The following AFG3L2 variants were observed in gnomAD, a reference collection of about 807,000 sequenced individuals.
AFG3L2 encodes the protein AFG3 like matrix AAA peptidase subunit 2, also known as mitochondrial inner membrane m-AAA protease component AFG3L2.
AFG3L2 carries 54 observed loss-of-function variants against 94.5 expected under a neutral mutation model. The ratio of observed to expected loss-of-function variants is 0.57; its 90% CI spans 0.46 to 0.72. AFG3L2 has a LOEUF of 0.72. Ranked by LOEUF, AFG3L2 falls within the 30% of genes least tolerant of loss-of-function variation. The probability of loss-of-function intolerance (pLI) is 0.00; values close to 1 mark genes in which losing one functional copy is unlikely to be tolerated. For missense variants in AFG3L2, 754 were observed against 994.9 expected, an observed-to-expected ratio of 0.76 and a Z score of 3.26; for synonymous variants, 377 against 365.5, an observed-to-expected ratio of 1.03 and a Z score of -0.36.
intron 16 of AFG3L2, among the ~76,000 whole-genome samples, chr18:12,331,853 ATATATAT>A: frequency 4.7e-5 from 7 of 148,848 alleles, no homozygotes; most frequent in African/African-American, 1.8e-4. Flanking sequence ...ATATATATAT[ATATATAT>A]AAAACAAGGG....
chr18:12,331,330 CAT>C (rs996441765), intron 16 of AFG3L2, among the ~76,000 whole-genome samples: 3 of 152,200 alleles, frequency 2.0e-5, no homozygotes, highest in South Asian at 2.1e-4. Context: ...TTAAGCAACA[CAT>C]GACTGCAGTT....
intron 7 of AFG3L2, 112 bp downstream of exon 7, chr18:12,359,815 C>G: frequency 7.1e-7 from 1 of 1,405,268 alleles, no homozygotes; most frequent in Admixed American, 1.9e-5. Context: ...TCTGGCCAAA[C>G]TGATAAAGGC....
intron 9 of AFG3L2, among the ~76,000 whole-genome samples, chr18:12,355,590 A>G (rs1598831888): frequency 1.3e-5 from 2 of 152,324 alleles, no homozygotes; most frequent in African/African-American, 4.8e-5. Context: ...TAAAAAAACC[A>G]CATATTGTAT....
At chr18:12,335,389 G>A (rs1907709961) in intron 16 of AFG3L2, among the ~76,000 whole-genome samples, 1 of 151,976 alleles carries the variant, frequency 6.6e-6, no homozygotes, top group Non-Finnish European at 1.5e-5. Context: ...GGATTCAATG[G>A]GCAAAAATCA....
At position 12,370,991 on chromosome 18, in the gene AFG3L2, G is replaced by C. The variant is rs898625897; in HGVS notation, c.215-65C>G. 5 of 1,082,924 alleles carry C rather than the reference G, an allele frequency of 4.6e-6. No homozygotes were observed. In the East Asian group the frequency reaches 8.1e-5, roughly 18 times the overall value. 67.1% of individuals were successfully genotyped at this position (1,082,924 alleles called of 1,614,324 possible). On this transcript the variant is annotated intron_variant, in intron 2 of 16. Transcript: ENST00000269143. ...AATTCATCAGGTTTGTGTTCATTTT[G>C]TTTTCAAAGCAGCTGATGCATCACT...
At position 12,330,071 on chromosome 18, in the gene AFG3L2, G is replaced by A. The variant is rs546035307; in HGVS notation, c.2176-288C>T. Among the ~76,000 whole-genome samples the A allele has an allele frequency of 1.1e-4, 16 of 152,340 alleles. No individual in the cohort carries two copies. In the East Asian group the frequency reaches 2.7e-3, roughly 26 times the overall value. On this transcript the variant is annotated intron_variant, in intron 16 of 16. Coordinates refer to ENST00000269143, the MANE Select transcript of AFG3L2 (RefSeq NM_006796.3). ...GGAAGCTGGCCGGGCGCGGTAGCTC[G>A]CGCCTGTAATCCTAGCACTTTGGGA...
At chr18:12,363,647 A>C (rs532377281) in intron 6 of AFG3L2, 135 bp downstream of exon 6, 4 of 712,338 alleles carry the variant, frequency 5.6e-6, no homozygotes, top group South Asian at 3.3e-5. Flanking sequence ...TAGTAAGATC[A>C]CCCCTGCCAC....
At chr18:12,375,151 C>T (rs1264444160) in intron 1 of AFG3L2, among the ~76,000 whole-genome samples, 1 of 151,620 alleles carries the variant, frequency 6.6e-6, no homozygotes, top group Non-Finnish European at 1.5e-5. Context: ...TACCACACGG[C>T]AGCGTGGCGT....
chr18:12,368,261 A>T (rs1404632737), intron 3 of AFG3L2, among the ~76,000 whole-genome samples: 1 of 152,166 alleles, frequency 6.6e-6, no homozygotes, highest in Non-Finnish European at 1.5e-5. Flanking sequence ...CAGGAGGCTG[A>T]GGCAGGAGAA....
chr18:12,330,170 C>A (rs1308619556), intron 16 of AFG3L2, among the ~76,000 whole-genome samples: 1 of 151,890 alleles, frequency 6.6e-6, no homozygotes, highest in Non-Finnish European at 1.5e-5. Context: ...ACTAAAAATG[C>A]AAAAAAATAG....
At chr18:12,352,686 G>A (rs1168331430) in intron 10 of AFG3L2, among the ~76,000 whole-genome samples, 1 of 152,096 alleles carries the variant, frequency 6.6e-6, no homozygotes, top group Non-Finnish European at 1.5e-5. Flanking sequence ...TATGCAGGCT[G>A]CCAGGAAAAA....
chr18:12,366,833 G>C, intron 5 of AFG3L2, 132 bp downstream of exon 5: 4 of 1,305,290 alleles, frequency 3.1e-6, no homozygotes, highest in Non-Finnish European at 4.4e-6. Flanking sequence ...CTCAGCATTA[G>C]AAAAATCTGA....
intron 6 of AFG3L2, among the ~76,000 whole-genome samples, chr18:12,361,526 C>A (rs1328458157): frequency 9.9e-5 from 15 of 151,810 alleles, no homozygotes; most frequent in Admixed American, 9.8e-4. Flanking sequence ...CAGGCACCAG[C>A]AATCCCAGCT....
chr18:12,334,858 G>C (rs1907691956), intron 16 of AFG3L2, among the ~76,000 whole-genome samples: 1 of 152,196 alleles, frequency 6.6e-6, no homozygotes, highest in Admixed American at 6.5e-5. Flanking sequence ...AAATAAGGAG[G>C]CTGGGTTAGA....
intron 9 of AFG3L2, 22 bp from the exon 10 acceptor site, chr18:12,353,180 G>A (rs941690280): frequency 3.1e-6 from 5 of 1,613,460 alleles, no homozygotes; most frequent in Non-Finnish European, 4.2e-6. Context: ...CAGAAAGAGA[G>A]TCACCTGACC....
intron 1 of AFG3L2, among the ~76,000 whole-genome samples, chr18:12,372,475 T>G (rs1568147631): frequency 6.6e-6 from 1 of 152,120 alleles, no homozygotes; most frequent in Non-Finnish European, 1.5e-5. Context: ...GGAAAACAGT[T>G]TGACAGAGCT....
At chr18:12,329,923 TAGTTTTAG>T in intron 16 of AFG3L2, 140 bp from the exon 17 acceptor site, 1 of 760,688 alleles carries the variant, frequency 1.3e-6, no homozygotes. Flanking sequence ...TAAGGTTGCA[TAGTTTTAG>T]AGTAAGATGT....
chr18:12,374,924 C>T (rs2003881), intron 1 of AFG3L2, among the ~76,000 whole-genome samples: 42,444 of 151,498 alleles, frequency 0.28, 6,921 homozygotes, highest in African/African-American at 0.43. Context: ...GGCGTAGTGG[C>T]GGGCGCCTGT....
intron 15 of AFG3L2, among the ~76,000 whole-genome samples, chr18:12,339,001 TC>T (rs1052613361): frequency 5.3e-5 from 8 of 152,058 alleles, no homozygotes; most frequent in Admixed American, 3.9e-4. Flanking sequence ...ACGCCTGTAA[TC>T]CCAGCACTTT....
Sources: allele counts gnomAD v4.1 joint callset (sites outside exome capture counted in the v4.1 genomes callset), GRCh38; gene constraint gnomAD v4.1.1; transcripts MANE v1.5; gene names NCBI Gene and HGNC (gene_info 2026-07-23, HGNC 2026-07-21).